RFX3: variants seen among roughly 807,000 people sequenced by gnomAD.
RFX3 encodes the protein transcription factor RFX3.
Under a neutral mutation model 98.6 loss-of-function variants are expected in RFX3, and 14 were observed. The observed-to-expected ratio is 0.14, with a 90% CI of 0.09 to 0.22. The LOEUF is 0.22. RFX3 is among the 10% of genes least tolerant of loss of function. RFX3 has a pLI of 1.00. For synonymous variants in RFX3, 383 were observed against 328.4 expected (o/e 1.17, Z -1.80); for missense variants, 639 against 926.9 (o/e 0.69, Z 4.03).
intron 1 of RFX3, among the ~76,000 whole-genome samples, chr9:3,412,931 G>A (rs1312794660): frequency 6.6e-6 from 1 of 152,038 alleles, no homozygotes; most frequent in African/African-American, 2.4e-5. Flanking sequence ...AATAACTATA[G>A]AGAACAGGGT....
At chr9:3,505,789 CCT>C (rs994056229) in intron 1 of RFX3, among the ~76,000 whole-genome samples, 32 of 150,464 alleles carry the variant, frequency 2.1e-4, no homozygotes, top group African/African-American at 7.5e-4. Context: ...TCTCTACCCC[CCT>C]GCTTCTCACA....
chr9:3,402,919 C>A (rs1002627651), intron 1 of RFX3, among the ~76,000 whole-genome samples: 4 of 151,464 alleles, frequency 2.6e-5, no homozygotes, highest in African/African-American at 9.7e-5. Flanking sequence ...CTAACAACAA[C>A]AAAAAAACAC....
At chr9:3,305,992 T>G (rs1829269481) in intron 4 of RFX3, among the ~76,000 whole-genome samples, 1 of 152,114 alleles carries the variant, frequency 6.6e-6, no homozygotes, top group African/African-American at 2.4e-5. Context: ...TGTGGATCAC[T>G]TAAAAAGTTA....
At chr9:3,387,771 G>C (rs959183087) in intron 2 of RFX3, among the ~76,000 whole-genome samples, 6 of 151,952 alleles carry the variant, frequency 3.9e-5, no homozygotes, top group African/African-American at 1.5e-4. Context: ...CCAAGTAAGA[G>C]CAAACCGGAG....
chr9:3,265,534 C>T (rs1051077817), intron 12 of RFX3, among the ~76,000 whole-genome samples: 2 of 152,036 alleles, frequency 1.3e-5, no homozygotes, highest in Non-Finnish European at 2.9e-5. Flanking sequence ...TTTCTGTTAC[C>T]AACATTTAAA....
chr9:3,399,826 G>A (rs1349988203), intron 1 of RFX3, among the ~76,000 whole-genome samples: 2 of 151,616 alleles, frequency 1.3e-5, no homozygotes, highest in Admixed American at 6.6e-5. Flanking sequence ...GTGCATGCCT[G>A]TAATCCCAGC....
chr9:3,331,073 T>C (rs183496227), intron 3 of RFX3, among the ~76,000 whole-genome samples: 29 of 152,330 alleles, frequency 1.9e-4, no homozygotes, highest in Admixed American at 1.4e-3. Context: ...CATATCTCTC[T>C]TTCCCTTCAC....
chr9:3,228,801 T>C, intron 16 of RFX3, 46 bp downstream of exon 16: 3 of 1,506,568 alleles, frequency 2.0e-6, no homozygotes, highest in Non-Finnish European at 2.7e-6. Flanking sequence ...TAAGAACTTA[T>C]TAATAAATAA....
chr9:3,457,368 C>G (rs1267078360), intron 1 of RFX3, among the ~76,000 whole-genome samples: 1 of 152,056 alleles, frequency 6.6e-6, no homozygotes, highest in African/African-American at 2.4e-5. Context: ...AGGACATTAA[C>G]TAGTTGAGAG....
intron 2 of RFX3, among the ~76,000 whole-genome samples, chr9:3,354,834 T>G (rs866150038): frequency 2.4e-4 from 37 of 152,028 alleles, no homozygotes; most frequent in African/African-American, 7.9e-4. Context: ...TCTTTTACTT[T>G]TCTGTAAAAA....
intron 1 of RFX3, among the ~76,000 whole-genome samples, chr9:3,481,417 TCTAA>T (rs1401381200): frequency 3.9e-5 from 6 of 152,102 alleles, no homozygotes; most frequent in East Asian, 1.9e-4. Flanking sequence ...AGCAAACACA[TCTAA>T]CTAACATGAA....
chr9:3,232,495 T>G (rs764630596), intron 15 of RFX3, among the ~76,000 whole-genome samples: 35 of 152,316 alleles, frequency 2.3e-4, no homozygotes, highest in Admixed American at 1.6e-3. Context: ...AACCAAAATG[T>G]TACTGCCATG....
intron 14 of RFX3, among the ~76,000 whole-genome samples, chr9:3,256,158 G>C (rs1381906811): frequency 1.3e-5 from 2 of 152,038 alleles, no homozygotes; most frequent in Admixed American, 6.6e-5. Flanking sequence ...TTTTAGTAGA[G>C]ACGGGGTTTT....
At chr9:3,328,183 T>C (rs1832147418) in intron 4 of RFX3, among the ~76,000 whole-genome samples, 1 of 152,118 alleles carries the variant, frequency 6.6e-6, no homozygotes, top group African/African-American at 2.4e-5. Context: ...GTTTTTCAGT[T>C]TTCCTAAGGC....
intron 13 of RFX3, 106 bp from the exon 14 acceptor site, chr9:3,257,305 T>G: frequency 3.5e-6 from 3 of 859,940 alleles, no homozygotes; most frequent in Non-Finnish European, 3.6e-6. Flanking sequence ...AATAAAAGCT[T>G]CACACAGTTA....
At chr9:3,500,993 G>A (rs1428639551) in intron 1 of RFX3, among the ~76,000 whole-genome samples, 1 of 152,130 alleles carries the variant, frequency 6.6e-6, no homozygotes, top group Non-Finnish European at 1.5e-5. Flanking sequence ...ATCTATATTG[G>A]CAGTGTCATT....
chr9:3,490,825 AAAAG>A (rs1850666791), intron 1 of RFX3, among the ~76,000 whole-genome samples: 1 of 152,138 alleles, frequency 6.6e-6, no homozygotes, highest in South Asian at 2.1e-4. Flanking sequence ...AGAAATTTTT[AAAAG>A]AAAGATCTTT....
At chr9:3,280,252 T>C (rs984332862) in intron 7 of RFX3, among the ~76,000 whole-genome samples, 2 of 151,780 alleles carry the variant, frequency 1.3e-5, no homozygotes, top group Non-Finnish European at 2.9e-5. Context: ...GTTTGTGCCA[T>C]AAAGAATGAC....
intron 2 of RFX3, among the ~76,000 whole-genome samples, chr9:3,379,690 C>G (rs1054877103): frequency 6.6e-6 from 1 of 152,056 alleles, no homozygotes; most frequent in Non-Finnish European, 1.5e-5. Context: ...ACAGAGATAA[C>G]TGAGAATACA....
Sources: gnomAD v4.1 joint callset for allele counts (sites outside exome capture counted in the v4.1 genomes callset) on GRCh38, gnomAD v4.1.1 for gene constraint, MANE v1.5 for transcripts, NCBI Gene and HGNC (gene_info 2026-07-23, HGNC 2026-07-21) for gene names.